Variants in KIRREL3 observed in about 807,000 individuals in gnomAD.
The protein encoded by KIRREL3 is kirre like nephrin family adhesion molecule 3.
In KIRREL3, 36 loss-of-function variants were observed where a neutral mutation model predicts 89.7. That is an observed-to-expected ratio of 0.40 (90% CI 0.31 to 0.53). The LOEUF (loss-of-function observed/expected upper bound fraction) is 0.53. KIRREL3 is among the 20% of genes least tolerant of loss of function. The pLI, the probability that KIRREL3 is intolerant of heterozygous loss-of-function variation, is 0.49. For synonymous variants in KIRREL3, 445 were observed against 441.4 expected, an observed-to-expected ratio of 1.01 and a Z score of -0.10; for missense variants, 864 against 1,056.6, an observed-to-expected ratio of 0.82 and a Z score of 2.53.
At chr11:126,505,006 A>C (rs1957977943) in intron 4 of KIRREL3, among the ~76,000 whole-genome samples, 1 of 152,106 alleles carries the variant, frequency 6.6e-6, no homozygotes, top group South Asian at 2.1e-4. Flanking sequence ...AAACTTCCTC[A>C]ACCTGATATA....
rs530117058 is a variant in KIRREL3 at position 126,475,242 on chromosome 11, C to T, written c.434-1776G>A. 2.6e-4 allele frequency among the ~76,000 whole-genome samples: 40 copies of T among 152,260 alleles called. No individual in the cohort carries two copies. Among genetic ancestry groups the T allele is most frequent in the Non-Finnish European group, 4.9e-4 (33 of 68,012 alleles). ...GTTCAGAGCTGAACAGTCACAGCTC[C>T]GGGCCCGTCCTGACTCCACTGGCTC... On this transcript the variant is annotated intron_variant, in intron 4 of 16. Coordinates refer to ENST00000525144, the MANE Select transcript of KIRREL3 (RefSeq NM_032531.4). The surrounding 1 kb of genome is among the most constrained non-coding windows in gnomAD (Gnocchi z 7.5).
intron 1 of KIRREL3, among the ~76,000 whole-genome samples, chr11:126,841,850 G>T (rs878895671): frequency 5.3e-5 from 8 of 152,122 alleles, no homozygotes; most frequent in African/African-American, 1.2e-4. Flanking sequence ...CCAATAGTTG[G>T]TTTTTTCCTA....
chr11:126,926,567 T>G (rs1187079683), intron 1 of KIRREL3, among the ~76,000 whole-genome samples: 2 of 152,108 alleles, frequency 1.3e-5, no homozygotes, highest in African/African-American at 4.8e-5. Context: ...ACACGTCCCT[T>G]GCCTTTGCAG....
chr11:126,759,346 T>C (rs1019401320), intron 1 of KIRREL3, among the ~76,000 whole-genome samples: 2 of 152,204 alleles, frequency 1.3e-5, no homozygotes, highest in Non-Finnish European at 2.9e-5. Context: ...GCCAGGTTGG[T>C]CTCGAACTCC....
At position 126,682,858 on chromosome 11, in the gene KIRREL3, A is replaced by G. The variant is rs1193846946; in HGVS notation, c.56-119946T>C. Among the ~76,000 whole-genome samples, 1 of 152,080 alleles carries G rather than the reference A, an allele frequency of 6.6e-6. No homozygotes were observed. Among genetic ancestry groups the G allele is most frequent in the Non-Finnish European group, 1.5e-5 (1 of 68,008 alleles). On this transcript the variant is annotated intron_variant, in intron 1 of 16. Coordinates refer to ENST00000525144, the MANE Select transcript of KIRREL3 (RefSeq NM_032531.4). The surrounding 1 kb of genome is among the most constrained non-coding windows in gnomAD (Gnocchi z 4.8). ...GGTTCCTAACAGGCTGAGGACCGGT[A>G]CCCCGGGGCTGGGGATCCCTGTTCT...
At chr11:126,593,133 C>G (rs915733483) in intron 1 of KIRREL3, among the ~76,000 whole-genome samples, 1 of 152,176 alleles carries the variant, frequency 6.6e-6, no homozygotes, top group Non-Finnish European at 1.5e-5. Context: ...AGATGCTTAC[C>G]ACGGAACCAG....
intron 1 of KIRREL3, among the ~76,000 whole-genome samples, chr11:126,801,688 C>G (rs1951039175): frequency 6.6e-6 from 1 of 152,138 alleles, no homozygotes; most frequent in Non-Finnish European, 1.5e-5. Flanking sequence ...TTACACCTAC[C>G]CTAGAAAGTG....
chr11:126,731,795 C>T (rs1192229433), intron 1 of KIRREL3, among the ~76,000 whole-genome samples: 3 of 152,258 alleles, frequency 2.0e-5, no homozygotes, highest in Admixed American at 6.5e-5. Context: ...CTGCTGCCTC[C>T]GTAAGTGCTT....
At position 126,682,682 on chromosome 11, in the gene KIRREL3, G is replaced by A. The variant is rs1946511425; in HGVS notation, c.56-119770C>T. Among the ~76,000 whole-genome samples the A allele has an allele frequency of 6.6e-6, 1 of 152,062 alleles. No individual in the cohort carries two copies. The highest frequency in any genetic ancestry group is 2.4e-5 in the African/African-American group (1 of 41,418). On this transcript the variant is annotated intron_variant, in intron 1 of 16. Transcript: ENST00000525144. This position sits in a 1 kb window ranked among gnomAD's most constrained non-coding sequence, Gnocchi z 4.8. ...AGGCACTAGTTAGATTCTCATAAGA[G>A]ACACAGCACACAGCCTAGATCCATC...
chr11:126,707,044 C>T (rs1947555871), intron 1 of KIRREL3, among the ~76,000 whole-genome samples: 1 of 151,850 alleles, frequency 6.6e-6, no homozygotes, highest in Non-Finnish European at 1.5e-5. Flanking sequence ...ATCTCAACCT[C>T]CTAGGCTCAA....
Position 126,677,801 on chromosome 11 carries a change from C to A in KIRREL3, c.56-114889G>T, listed in dbSNP as rs561253806. 1.3e-5 allele frequency among the ~76,000 whole-genome samples: 2 copies of A among 152,288 alleles called. No homozygotes were observed. The highest frequency in any genetic ancestry group is 4.8e-5 in the African/African-American group (2 of 41,562). On this transcript the variant is annotated intron_variant, in intron 1 of 16. Transcript: ENST00000525144. This position sits in a 1 kb window ranked among gnomAD's most constrained non-coding sequence, Gnocchi z 5.1. ...TCCACTGGTTGGAGTGAGCCTCCCC[C>A]TTTTACTGCATCTCCACGAGGCAGA...
Position 126,867,370 on chromosome 11 carries a change from G to GC in KIRREL3, c.55+133084dup, listed in dbSNP as rs1333795335. On this transcript the variant is annotated intron_variant, in intron 1 of 16. Transcript: ENST00000525144. The surrounding 1 kb of genome is among the most constrained non-coding windows in gnomAD (Gnocchi z 4.7). ...GAGGTTCTACACACGGCCTGCCTTA[G>GC]CCATCAGGCTTCCCATTCGGCTGTT... Among the ~76,000 whole-genome samples, 1 of 152,168 alleles carries GC rather than the reference G, an allele frequency of 6.6e-6. No homozygotes were observed. Among genetic ancestry groups the GC allele is most frequent in the African/African-American group, 2.4e-5 (1 of 41,438 alleles).
intron 1 of KIRREL3, among the ~76,000 whole-genome samples, chr11:126,885,706 A>G (rs909323861): frequency 6.6e-6 from 1 of 152,158 alleles, no homozygotes; most frequent in Admixed American, 6.5e-5. Flanking sequence ...AGAGAGTATC[A>G]CTTAGCTGAA....
chr11:126,779,984 T>TGG (rs1202772737), intron 1 of KIRREL3, among the ~76,000 whole-genome samples: 1 of 151,704 alleles, frequency 6.6e-6, no homozygotes, highest in Admixed American at 6.6e-5. Context: ...GAGCATCTAG[T>TGG]GGGGAAAGCT....
At chr11:126,749,646 A>C (rs1277098465) in intron 1 of KIRREL3, among the ~76,000 whole-genome samples, 1 of 59,902 alleles carries the variant, frequency 1.7e-5, no homozygotes, top group Non-Finnish European at 3.9e-5. Context: ...GTCCCTCTTA[A>C]AAAAAAAAAG....
Position 126,446,786 on chromosome 11 carries a change from G to C in KIRREL3, c.1098C>G (p.Ile366Met). The C allele has an allele frequency of 1.9e-6, 3 of 1,601,980 alleles. No homozygotes were observed. The highest frequency in any genetic ancestry group is 2.6e-6 in the Non-Finnish European group (3 of 1,174,502). The change falls in exon 9 of 17, where the codon ATC becomes ATG. Residue 366 changes from isoleucine (I) to methionine (M), a missense_variant. By Grantham distance (10) the Ile-to-Met change is conservative. Transcript: ENST00000525144. ...CAWTGNPSLT[I>M]VWMKRGSGVV... ...CTCCGGAGCCCCGCTTCATCCAGAC[G>C]ATGGTCAGGGATGGGTTGCCGGTCC... is the stretch of plus-strand genomic sequence containing the variant.
Position 126,551,331 on chromosome 11 carries a change from C to T in KIRREL3, c.133+11504G>A, listed in dbSNP as rs1334579109. Among the ~76,000 whole-genome samples the T allele has an allele frequency of 1.3e-5, 2 of 152,062 alleles. No individual in the cohort carries two copies. The highest frequency in any genetic ancestry group is 4.8e-5 in the African/African-American group (2 of 41,398). On this transcript the variant is annotated intron_variant, in intron 2 of 16. Coordinates refer to ENST00000525144, the MANE Select transcript of KIRREL3 (RefSeq NM_032531.4). This position sits in a 1 kb window ranked among gnomAD's most constrained non-coding sequence, Gnocchi z 4.9. ...AAAGTGGTGAAAGGTTAGAGTCCTG[C>T]GATGGGGCAGGGGAAAGGAGGGCCG...
rs1948927162 is a variant in KIRREL3, at chr11:126,740,018, T to C, written c.56-177106A>G. On this transcript the variant is annotated intron_variant, in intron 1 of 16. Coordinates refer to ENST00000525144, the MANE Select transcript of KIRREL3 (RefSeq NM_032531.4). The surrounding 1 kb of genome is among the most constrained non-coding windows in gnomAD (Gnocchi z 6.0). ...ATGACTCACTGGAGGGTAGGGTGTA[T>C]GGAGGGAGGGGGCAGAGAAAGAAAG... 6.6e-6 allele frequency among the ~76,000 whole-genome samples: 1 copy of C among 152,056 alleles called. No individual in the cohort carries two copies. Among genetic ancestry groups the C allele is most frequent in the South Asian group, 2.1e-4 (1 of 4,812 alleles).
At position 126,424,612 on chromosome 11, in the gene KIRREL3, G is replaced by C. The variant is rs761726481; in HGVS notation, c.2305C>G (p.Pro769Ala). ...SSSQNSDPSRPLQRRMQTHV is the reference protein window; with the variant it reads ...SSSQNSDPSRALQRRMQTHV ...TGAGTCTGCATCCGCCGCTGCAGGG[G>C]TCGACTGGGGTCAGAGTTCTGGGAC... The change falls in exon 17 of 17, where the codon CCC becomes GCC. Residue 769 changes from proline (P) to alanine (A), a missense_variant. Physicochemically the swap from Pro to Ala is conservative, Grantham distance 27. Transcript: ENST00000525144. The C allele has an allele frequency of 6.2e-7, 1 of 1,614,054 alleles. No homozygotes were observed. The highest frequency in any genetic ancestry group is 8.5e-7 in the Non-Finnish European group (1 of 1,179,900).
Sources: gnomAD v4.1 joint callset for allele counts (sites outside exome capture counted in the v4.1 genomes callset) on GRCh38, gnomAD v4.1.1 for gene constraint, Gnocchi (gnomAD v3.1) non-coding constraint, MANE v1.5 for transcripts, NCBI Gene and HGNC (gene_info 2026-07-23, HGNC 2026-07-21) for gene names.